Variants in SLC24A3 observed in about 807,000 individuals in gnomAD.
SLC24A3 encodes the protein sodium/potassium/calcium exchanger 3.
A neutral mutation model predicts 75.8 loss-of-function variants in SLC24A3; 28 were observed. The ratio of observed to expected loss-of-function variants is 0.37; its 90% CI spans 0.27 to 0.51. SLC24A3 has a LOEUF of 0.51. Among genes scored for constraint, SLC24A3 ranks in the 20% least tolerant of loss-of-function variants. SLC24A3 has a pLI of 0.94. For synonymous variants in SLC24A3, 372 were observed against 334.1 expected, an observed-to-expected ratio of 1.11 and a Z score of -1.24; for missense variants, 663 against 847.8, an observed-to-expected ratio of 0.78 and a Z score of 2.71.
chr20:19,243,625 A>G (rs920159939), intron 1 of SLC24A3, among the ~76,000 whole-genome samples: 1 of 152,184 alleles, frequency 6.6e-6, no homozygotes, highest in Non-Finnish European at 1.5e-5. Context: ...TAATGTGGAA[A>G]TAGTTCTTCT....
chr20:19,396,882 T>C (rs1197318868), intron 2 of SLC24A3, among the ~76,000 whole-genome samples: 1 of 152,230 alleles, frequency 6.6e-6, no homozygotes, highest in Non-Finnish European at 1.5e-5. Context: ...GCCAACCTCA[T>C]GTGTGAATGT....
At chr20:19,221,741 G>A (rs981302819) in intron 1 of SLC24A3, among the ~76,000 whole-genome samples, 6 of 152,010 alleles carry the variant, frequency 3.9e-5, no homozygotes, top group Admixed American at 6.6e-5. Flanking sequence ...TCCACCCCCC[G>A]CCTCACCCCA....
chr20:19,334,393 A>G (rs140409413), intron 2 of SLC24A3, among the ~76,000 whole-genome samples: 12 of 152,262 alleles, frequency 7.9e-5, no homozygotes, highest in African/African-American at 2.9e-4. Flanking sequence ...AAAGAGTGCT[A>G]TGAAGCATAC....
At chr20:19,317,816 T>C (rs1984619238) in intron 2 of SLC24A3, among the ~76,000 whole-genome samples, 1 of 152,174 alleles carries the variant, frequency 6.6e-6, no homozygotes, top group Non-Finnish European at 1.5e-5. Flanking sequence ...GCCTTTTACA[T>C]AAAGGTGCCC....
rs923748224 is a variant in SLC24A3 at position 19,580,081 on chromosome 20, G to A, written c.423+7G>A. Reference sequence around the variant, plus strand: ...CTTGGAAAAGATCTGTGAGGTACGTGCCTCACATTCTTGGTATGTGTGAGC... The same window carrying A: ...CTTGGAAAAGATCTGTGAGGTACGTACCTCACATTCTTGGTATGTGTGAGC... On this transcript the variant is annotated splice_region_variant and intron_variant, in intron 4 of 16. Coordinates refer to ENST00000328041, the MANE Select transcript of SLC24A3 (RefSeq NM_020689.4). 1 of 1,609,904 alleles carries A rather than the reference G, an allele frequency of 6.2e-7. No homozygotes were observed. Among genetic ancestry groups the A allele is most frequent in the Non-Finnish European group, 8.5e-7 (1 of 1,176,226 alleles).
Position 19,240,741 on chromosome 20 carries a change from C to G in SLC24A3, c.142+27757C>G, listed in dbSNP as rs113418065. 1.2e-4 allele frequency among the ~76,000 whole-genome samples: 19 copies of G among 152,274 alleles called. 1 individual carries two copies. Among genetic ancestry groups the G allele is most frequent in the African/African-American group, 4.6e-4 (19 of 41,556 alleles). On this transcript the variant is annotated intron_variant, in intron 1 of 16. Transcript: ENST00000328041. ...GGTTTGGCTGATCCCACAGGGTGCT[C>G]TGGAGCACAACAACATCACACAGTT...
intron 2 of SLC24A3, among the ~76,000 whole-genome samples, chr20:19,501,720 G>A (rs1988387290): frequency 1.3e-5 from 2 of 152,158 alleles, no homozygotes; most frequent in South Asian, 2.1e-4. Context: ...TTATAGTTGA[G>A]AGCTTTGGAA....
chr20:19,234,498 A>G (rs1277468812), intron 1 of SLC24A3, among the ~76,000 whole-genome samples: 1 of 152,256 alleles, frequency 6.6e-6, no homozygotes, highest in Admixed American at 6.5e-5. Flanking sequence ...ATGCTAGTGA[A>G]GCACAGGCTA....
chr20:19,611,417 T>C (rs557490933), intron 6 of SLC24A3, among the ~76,000 whole-genome samples: 1 of 152,294 alleles, frequency 6.6e-6, no homozygotes, highest in Non-Finnish European at 1.5e-5. Context: ...CAACCAGGAT[T>C]CTTGATCCCC....
chr20:19,428,211 G>A (rs775581679), intron 2 of SLC24A3, among the ~76,000 whole-genome samples: 16 of 152,182 alleles, frequency 1.1e-4, no homozygotes, highest in South Asian at 2.1e-4. Context: ...TTCCCTTCAC[G>A]GGTGGCCGTC....
At chr20:19,667,604 G>A (rs990379155) in intron 8 of SLC24A3, among the ~76,000 whole-genome samples, 1 of 152,178 alleles carries the variant, frequency 6.6e-6, no homozygotes, top group African/African-American at 2.4e-5. Flanking sequence ...TGCAGCTGTT[G>A]TGCAGAAACA....
chr20:19,289,571 G>C (rs530740230), intron 2 of SLC24A3, among the ~76,000 whole-genome samples: 1 of 152,202 alleles, frequency 6.6e-6, no homozygotes, highest in Non-Finnish European at 1.5e-5. Flanking sequence ...ACCCACCTTG[G>C]GGAGTGGAGA....
chr20:19,464,719 C>G (rs540527975), intron 2 of SLC24A3, among the ~76,000 whole-genome samples: 1 of 152,226 alleles, frequency 6.6e-6, no homozygotes, highest in Admixed American at 6.5e-5. Flanking sequence ...TTTTAGCAAG[C>G]CTTTAAGTAT....
chr20:19,721,200 G>A lies in SLC24A3; in HGVS notation c.*60G>A, dbSNP rs753855703. 7.3e-5 allele frequency: 116 copies of A among 1,592,826 alleles called. No homozygotes were observed. In the Middle Eastern group the frequency reaches 3.2e-3, roughly 44 times the overall value. The stretch of plus-strand genomic sequence containing the variant: ...TTTCTGTGCAATACGAGACCCGGCC[G>A]CACCCCGAGTCACACAGGCCCCCGG... On this transcript the variant is annotated 3_prime_UTR_variant, in exon 17 of 17. Coordinates refer to ENST00000328041, the MANE Select transcript of SLC24A3 (RefSeq NM_020689.4).
intron 2 of SLC24A3, among the ~76,000 whole-genome samples, chr20:19,407,024 C>G (rs1276314309): frequency 3.4e-5 from 5 of 147,020 alleles, no homozygotes; most frequent in East Asian, 3.9e-4. Flanking sequence ...CTGTTGATCT[C>G]TGACAACACG....
intron 2 of SLC24A3, among the ~76,000 whole-genome samples, chr20:19,470,186 G>A (rs1479076451): frequency 6.6e-6 from 1 of 152,166 alleles, no homozygotes; most frequent in African/African-American, 2.4e-5. Context: ...ACCCCCAAAT[G>A]TTCGTGCAAA....
intron 2 of SLC24A3, among the ~76,000 whole-genome samples, chr20:19,512,196 C>T (rs1038136242): frequency 9.2e-5 from 14 of 152,196 alleles, no homozygotes; most frequent in African/African-American, 3.1e-4. Context: ...AGAGCAGGCC[C>T]TGGAGAGCAG....
At chr20:19,639,956 C>G (rs1220106541) in intron 6 of SLC24A3, among the ~76,000 whole-genome samples, 2 of 152,270 alleles carry the variant, frequency 1.3e-5, no homozygotes, top group Non-Finnish European at 2.9e-5. Flanking sequence ...CCACGCCCAC[C>G]CGGAACTCCA....
intron 2 of SLC24A3, 50 bp downstream of exon 2, chr20:19,281,137 T>G: frequency 6.2e-7 from 1 of 1,602,086 alleles, no homozygotes; most frequent in Non-Finnish European, 8.5e-7. Context: ...TCTCTGGCTA[T>G]GGCTGAGGAA....
Sources: gnomAD v4.1 joint callset for allele counts (sites outside exome capture counted in the v4.1 genomes callset) on GRCh38, gnomAD v4.1.1 for gene constraint, MANE v1.5 for transcripts, NCBI Gene and HGNC (gene_info 2026-07-23, HGNC 2026-07-21) for gene names.